EDARADD: variants seen among roughly 807,000 people sequenced by gnomAD.
EDARADD encodes EDAR associated via death domain, also known as ectodysplasin-A receptor-associated adapter protein.
Under a neutral mutation model 25.6 loss-of-function variants are expected in EDARADD, and 20 were observed. That is an observed-to-expected ratio of 0.78 (90% CI 0.55 to 1.14). The LOEUF (loss-of-function observed/expected upper bound fraction) is 1.14. EDARADD is among the 50% of genes most tolerant of loss of function. EDARADD has a pLI of 0.00. For missense variants in EDARADD, 225 were observed against 270.1 expected, an observed-to-expected ratio of 0.83 and a Z score of 1.17; for synonymous variants, 86 against 94.4, an observed-to-expected ratio of 0.91 and a Z score of 0.52.
chr1:236,396,088 C>T (rs1370228519), intron 1 of EDARADD, among the ~76,000 whole-genome samples: 5 of 152,224 alleles, frequency 3.3e-5, no homozygotes, highest in African/African-American at 1.2e-4. Context: ...CTCTTCCTCT[C>T]TCCCATTGCA....
intron 4 of EDARADD, among the ~76,000 whole-genome samples, chr1:236,463,537 C>G (rs1414775666): frequency 6.6e-6 from 1 of 152,218 alleles, no homozygotes; most frequent in African/African-American, 2.4e-5. Context: ...AGGTGATCAG[C>G]CCGCCTCGCC....
intron 3 of EDARADD, among the ~76,000 whole-genome samples, chr1:236,355,985 A>G (rs558899104): frequency 5.0e-4 from 76 of 152,202 alleles, no homozygotes; most frequent in African/African-American, 1.7e-3. Context: ...ATATATATGT[A>G]TATATTTTAA....
intron 4 of EDARADD, among the ~76,000 whole-genome samples, chr1:236,452,085 TG>T (rs1292650023): frequency 6.6e-6 from 1 of 152,166 alleles, no homozygotes; most frequent in Admixed American, 6.5e-5. Flanking sequence ...GGTCTTCCAG[TG>T]GCAGAAAGGT....
chr1:236,407,058 C>G (rs1478512962), intron 1 of EDARADD, among the ~76,000 whole-genome samples: 1 of 152,202 alleles, frequency 6.6e-6, no homozygotes, highest in Non-Finnish European at 1.5e-5. Flanking sequence ...AACTGGGGCT[C>G]TGTCCCTTAG....
At position 236,363,005 on chromosome 1, in the gene EDARADD, AAATAT is replaced by A. The variant is rs1266516687; in HGVS notation, c.-6+12168_-6+12172del. Among the ~76,000 whole-genome samples the A allele has an allele frequency of 3.4e-5, 3 of 87,614 alleles. 1 individual carries two copies. Among genetic ancestry groups the A allele is most frequent in the Non-Finnish European group, 4.3e-5 (2 of 46,562 alleles). The allele number at this position is 87,614 out of a possible 152,430, so 57.5% of individuals were successfully genotyped here. On this transcript the variant is annotated intron_variant, in intron 3 of 7. Transcript: ENST00000439430. ...TTTTTAAGAAAAAAAAAAAAAAAAA[AAATAT>A]ATATATATATATATATATATATAAA...
At chr1:236,428,691 CTGG>C (rs1185529851) in intron 4 of EDARADD, among the ~76,000 whole-genome samples, 39 of 46,420 alleles carry the variant, frequency 8.4e-4, no homozygotes, top group South Asian at 1.6e-3. Flanking sequence ...ACTTCCCAGA[CTGG>C]GCTGCCGGGC....
intron 4 of EDARADD, among the ~76,000 whole-genome samples, chr1:236,428,695 GCTGCCGGGCAGAGAC>G (rs1417152858): frequency 7.9e-4 from 109 of 138,386 alleles, no homozygotes; most frequent in South Asian, 2.0e-3. Context: ...CCCAGACTGG[GCTGCCGGGCAGAGAC>G]GCTCCTCACT....
At chr1:236,389,386 T>C (rs1392318176), upstream of EDARADD, among the ~76,000 whole-genome samples, 1 of 152,228 alleles carries the variant, frequency 6.6e-6, no homozygotes, top group South Asian at 2.1e-4. Flanking sequence ...CACTTTGCCA[T>C]TCTGTTTGTG....
At chr1:236,425,136 G>A (rs1657881502) in intron 3 of EDARADD, among the ~76,000 whole-genome samples, 1 of 152,174 alleles carries the variant, frequency 6.6e-6, no homozygotes, top group Non-Finnish European at 1.5e-5. Context: ...GGCCCAAGTG[G>A]GGACATTAAA....
At position 236,468,258 on chromosome 1, in the gene EDARADD, A is replaced by G. The variant is rs1399631900; in HGVS notation, c.247A>G (p.Thr83Ala). 5 of 1,614,028 alleles carry G rather than the reference A, an allele frequency of 3.1e-6. No individual in the cohort carries two copies. Among genetic ancestry groups the G allele is most frequent in the Non-Finnish European group, 4.2e-6 (5 of 1,179,994 alleles). Reference sequence around the variant, plus strand: ...AGAAGAAAATGGCTTTCCAGATAGCACTGGAGATCCTCTTCCAGGTAAATG... The same window carrying G: ...AGAAGAAAATGGCTTTCCAGATAGCGCTGGAGATCCTCTTCCAGGTAAATG... ...QGEENGFPDS[T>A]GDPLPEISKD... The change falls in exon 5 of 6, where the codon ACT becomes GCT. Residue 83 changes from threonine (T) to alanine (A), a missense_variant. Transcript: ENST00000334232.
In EDARADD at chr1:236,482,278, G is replaced by T. The variant is rs1480936193; in HGVS notation, c.277G>T (p.Asp93Tyr). The T allele has an allele frequency of 6.2e-7, 1 of 1,614,124 alleles. No homozygotes were observed. Among genetic ancestry groups the T allele is most frequent in the Non-Finnish European group, 8.5e-7 (1 of 1,180,032 alleles). The change falls in exon 6 of 6, where the codon GAC becomes TAC. Residue 93 changes from aspartate to tyrosine, a missense_variant. Physicochemically the swap from Asp to Tyr is radical, Grantham distance 160 (BLOSUM62 -3). Transcript: ENST00000334232. The stretch of plus-strand genomic sequence containing the variant: ...GTTTCTCCCTGCAGAGATCAGCAAG[G>T]ACAACTCCTGCAAAGAAAACTGTAC... ...TGDPLPEISKDNSCKENCTCS... is the reference protein window; with the variant it reads ...TGDPLPEISKYNSCKENCTCS...
rs371730282 is a variant in EDARADD at position 236,380,126 on chromosome 1, G to A, written c.-5-29090G>A. Among the ~76,000 whole-genome samples the A allele has an allele frequency of 4.6e-5, 7 of 151,942 alleles. No homozygotes were observed. In the East Asian group the frequency reaches 9.6e-4, roughly 21 times the overall value. On this transcript the variant is annotated intron_variant, in intron 3 of 7. Coordinates refer to the EDARADD transcript ENST00000439430. ...TTTCATTATTTCCTTCCTTCATAAC[G>A]CTCCCATGCCTTCTAGAGAAAACCT...
chr1:236,427,362 T>TCTTC, intron 3 of EDARADD, 30 bp from the exon 4 acceptor site: 1 of 1,599,430 alleles, frequency 6.3e-7, no homozygotes, highest in Non-Finnish European at 8.5e-7. Flanking sequence ...ACACTTTGTT[T>TCTTC]CTTTCTTTCT....
intron 3 of EDARADD, among the ~76,000 whole-genome samples, chr1:236,387,031 C>A (rs1667363942): frequency 2.0e-5 from 1 of 51,140 alleles, no homozygotes; most frequent in African/African-American, 6.1e-5. Context: ...GCCAGCCGCC[C>A]CATCCGGGAG....
chr1:236,482,811 C>A lies in EDARADD; in HGVS notation c.*162C>A. The stretch of plus-strand genomic sequence containing the variant: ...AGTTTTGTGGAGGGGTAGCTTGTTT[C>A]GGTGGTGGATCTCTGTTTATTTTTG... On this transcript the variant is annotated 3_prime_UTR_variant, in exon 6 of 6. Coordinates refer to ENST00000334232, the MANE Select transcript of EDARADD (RefSeq NM_145861.4). The A allele has an allele frequency of 1.1e-6, 1 of 870,576 alleles. No individual in the cohort carries two copies. Among genetic ancestry groups the A allele is most frequent in the Non-Finnish European group, 1.8e-6 (1 of 561,446 alleles). 53.9% of individuals were successfully genotyped at this position (870,576 alleles called of 1,614,324 possible).
chr1:236,367,833 G>A (rs1246693874), intron 3 of EDARADD, among the ~76,000 whole-genome samples: 1 of 152,158 alleles, frequency 6.6e-6, no homozygotes, highest in Non-Finnish European at 1.5e-5. Flanking sequence ...TCTTGATTGG[G>A]CATTGTGGCT....
At position 236,395,407 on chromosome 1, in the gene EDARADD, G is replaced by A. The variant is rs1667496176; in HGVS notation, c.61+902G>A. 1 of 1,434,998 alleles carries A rather than the reference G, an allele frequency of 7.0e-7. No homozygotes were observed. The highest frequency in any genetic ancestry group is 2.7e-5 in the East Asian group (1 of 37,294). The allele number at this position is 1,434,998 out of a possible 1,614,324, so 88.9% of individuals were successfully genotyped here. On this transcript the variant is annotated intron_variant, in intron 1 of 5. Transcript: ENST00000334232. The surrounding 1 kb of genome is among the most constrained non-coding windows in gnomAD (Gnocchi z 6.9). ...GGTACCGAGGGACGCGCAGCGAAGGGGCTTTGCTAATTGCCAAAGCAGGAA... is the reference window on the plus strand; with the variant it reads ...GGTACCGAGGGACGCGCAGCGAAGGAGCTTTGCTAATTGCCAAAGCAGGAA...
intron 2 of EDARADD, among the ~76,000 whole-genome samples, chr1:236,413,855 G>A (rs935874275): frequency 6.6e-6 from 1 of 152,172 alleles, no homozygotes; most frequent in African/African-American, 2.4e-5. Flanking sequence ...GCAATAGTGA[G>A]TACTGCCCAG....
intron 5 of EDARADD, among the ~76,000 whole-genome samples, chr1:236,468,793 T>G (rs1358902860): frequency 1.3e-5 from 2 of 152,164 alleles, no homozygotes; most frequent in African/African-American, 2.4e-5. Flanking sequence ...AACCTTCCTT[T>G]GCATGTGAGG....
Sources: gnomAD v4.1 joint callset for allele counts (sites outside exome capture counted in the v4.1 genomes callset) on GRCh38, gnomAD v4.1.1 for gene constraint, Gnocchi (gnomAD v3.1) non-coding constraint, MANE v1.5 for transcripts, NCBI Gene and HGNC (gene_info 2026-07-23, HGNC 2026-07-21) for gene names.